The following TMOD3 variants were observed in gnomAD, a reference collection of about 807,000 sequenced individuals.
The protein encoded by TMOD3 is tropomodulin-3.
In TMOD3, 20 loss-of-function variants were observed where a neutral mutation model predicts 39.2. The observed-to-expected ratio is 0.51, with a 90% CI of 0.36 to 0.74. TMOD3 has a LOEUF of 0.74. Among genes scored for constraint, TMOD3 ranks in the 30% least tolerant of loss-of-function variants. The probability of loss-of-function intolerance (pLI) is 0.00; values close to 1 mark genes in which losing one functional copy is unlikely to be tolerated. For missense variants in TMOD3, 381 were observed against 412.8 expected (o/e 0.92, Z 0.67); for synonymous variants, 143 against 145.8 (o/e 0.98, Z 0.14).
chr15:51,892,411 T>C (rs1285898394), intron 5 of TMOD3: 2 of 152,230 alleles, frequency 1.3e-5, no homozygotes, highest in East Asian at 3.8e-4. Context: ...AGTGATCTCT[T>C]TAAAGGGCTC....
At chr15:51,842,848 T>C (rs2056319016) in intron 1 of TMOD3, among the ~76,000 whole-genome samples, 1 of 152,228 alleles carries the variant, frequency 6.6e-6, no homozygotes, top group African/African-American at 2.4e-5. Flanking sequence ...TTGTAACTAC[T>C]ACTCCCTTTC....
At chr15:51,845,794 G>A (rs2056332786) in intron 1 of TMOD3, among the ~76,000 whole-genome samples, 1 of 151,976 alleles carries the variant, frequency 6.6e-6, no homozygotes, top group Admixed American at 6.6e-5. Context: ...GGTTTTGTTT[G>A]TTTTTCCTCC....
At chr15:51,881,550 CTTTTTTTTTTT>C (rs753814979) in intron 3 of TMOD3, among the ~76,000 whole-genome samples, 12 of 61,830 alleles carry the variant, frequency 1.9e-4, no homozygotes, top group South Asian at 6.9e-4. Flanking sequence ...TTCTTTATTT[CTTTTTTTTTTT>C]TTTTTTTTTT....
chr15:51,862,402 ATTG>A (rs1301686618), intron 1 of TMOD3, among the ~76,000 whole-genome samples: 2 of 152,190 alleles, frequency 1.3e-5, no homozygotes, highest in African/African-American at 4.8e-5. Context: ...ACTGAGTCAT[ATTG>A]TTCTCCTAAA....
chr15:51,840,192 A>G (rs1260090670), intron 1 of TMOD3, among the ~76,000 whole-genome samples: 1 of 152,176 alleles, frequency 6.6e-6, no homozygotes, highest in Non-Finnish European at 1.5e-5. Context: ...GTGGTGGGCT[A>G]GCACCTCTCT....
chr15:51,855,745 C>A (rs1239940709), intron 1 of TMOD3, among the ~76,000 whole-genome samples: 1 of 152,144 alleles, frequency 6.6e-6, no homozygotes, highest in Non-Finnish European at 1.5e-5. Flanking sequence ...TTCTAGAAGG[C>A]AGATGTCAAA....
Position 51,910,670 on chromosome 15 carries a change from G to C in TMOD3, c.*1860G>C, listed in dbSNP as rs1302989896. The C allele has an allele frequency of 6.6e-6, 1 of 152,086 alleles. No homozygotes were observed. The highest frequency in any genetic ancestry group is 1.5e-5 in the Non-Finnish European group (1 of 68,036). 9.4% of individuals were successfully genotyped at this position (152,086 alleles called of 1,614,324 possible). A position where few individuals can be genotyped will look rare whatever the true frequency, so the allele number is the denominator to read the frequency against. ...GACAGTTTATCTAATAAGCAAGGCA[G>C]CTTCTTGTGTGCTATGGTAATAAGC... On this transcript the variant is annotated 3_prime_UTR_variant, in exon 10 of 10. Coordinates refer to ENST00000308580, the MANE Select transcript of TMOD3 (RefSeq NM_014547.5).
At chr15:51,835,998 T>A (rs891892051) in intron 1 of TMOD3, among the ~76,000 whole-genome samples, 9 of 152,190 alleles carry the variant, frequency 5.9e-5, no homozygotes, top group African/African-American at 2.2e-4. Flanking sequence ...TGAGGAGTCT[T>A]GAATCCTAAA....
At chr15:51,876,985 C>T (rs931312101) in intron 3 of TMOD3, among the ~76,000 whole-genome samples, 1 of 152,026 alleles carries the variant, frequency 6.6e-6, no homozygotes, top group Non-Finnish European at 1.5e-5. Flanking sequence ...ATGGCTTGAG[C>T]CTACGAGTTC....
chr15:51,860,326 AT>A, intron 1 of TMOD3: 1 of 537,870 alleles, frequency 1.9e-6, no homozygotes. Context: ...ATCCGTGCCA[AT>A]TTGCCCTTAA....
chr15:51,850,138 A>G (rs1033242081), intron 1 of TMOD3, among the ~76,000 whole-genome samples: 19 of 152,116 alleles, frequency 1.2e-4, no homozygotes, highest in African/African-American at 4.6e-4. Context: ...GAAGTAGGGT[A>G]GTGTCTGGAG....
At chr15:51,866,200 ATCC>A (rs1368114375) in intron 2 of TMOD3, among the ~76,000 whole-genome samples, 3 of 152,116 alleles carry the variant, frequency 2.0e-5, no homozygotes, top group African/African-American at 7.2e-5. Flanking sequence ...CACACCTGTA[ATCC>A]TAGCATTTTG....
At chr15:51,850,756 A>C (rs2056357412) in intron 1 of TMOD3, among the ~76,000 whole-genome samples, 1 of 151,794 alleles carries the variant, frequency 6.6e-6, no homozygotes, top group African/African-American at 2.4e-5. Flanking sequence ...TGTTTGTTTG[A>C]GACGGAGTAT....
chr15:51,906,017 A>G, intron 9 of TMOD3, among the ~76,000 whole-genome samples: 1 of 150,828 alleles, frequency 6.6e-6, no homozygotes, highest in East Asian at 2.0e-4. Flanking sequence ...TTAATAGGGC[A>G]AAATTTATAA....
intron 1 of TMOD3, among the ~76,000 whole-genome samples, chr15:51,845,112 A>G (rs2056329327): frequency 6.6e-6 from 1 of 152,166 alleles, no homozygotes; most frequent in Non-Finnish European, 1.5e-5. Context: ...AGATTGGGTT[A>G]AATGGTGTTT....
intron 8 of TMOD3, 129 bp from the exon 9 acceptor site, chr15:51,901,763 T>G: frequency 2.2e-6 from 2 of 910,030 alleles, no homozygotes; most frequent in Non-Finnish European, 3.3e-6. Context: ...CTGAACTATG[T>G]ATATGTTGTA....
At position 51,887,674 on chromosome 15, in the gene TMOD3, G is replaced by C; in HGVS notation, c.369G>C (p.Leu123Phe). The stretch of plus-strand genomic sequence containing the variant: ...TTGATCCAGAATTAGAAGAAGCTTT[G>C]ACAAGTGCTTCTGATACAGAATTGT... ...VSLDPELEEALTSASDTELCD... is the reference protein window; with the variant it reads ...VSLDPELEEAFTSASDTELCD... Residue 123 changes from leucine (L) to phenylalanine (F), a missense_variant, in exon 4 of 10, where the codon TTG (leucine) becomes TTC (phenylalanine). Physicochemically the swap from Leu to Phe is conservative, Grantham distance 22. Coordinates refer to ENST00000308580, the MANE Select transcript of TMOD3 (RefSeq NM_014547.5). 2.5e-6 allele frequency: 4 copies of C among 1,613,962 alleles called. No homozygotes were observed. Among genetic ancestry groups the C allele is most frequent in the Non-Finnish European group, 3.4e-6 (4 of 1,179,946 alleles).
intron 3 of TMOD3, among the ~76,000 whole-genome samples, chr15:51,878,549 C>T (rs1316460755): frequency 6.6e-6 from 1 of 152,130 alleles, no homozygotes; most frequent in Non-Finnish European, 1.5e-5. Context: ...TATTAACTCC[C>T]AAAAGTGAAG....
chr15:51,853,108 G>A (rs1187638515), intron 1 of TMOD3, among the ~76,000 whole-genome samples: 1 of 152,204 alleles, frequency 6.6e-6, no homozygotes, highest in Non-Finnish European at 1.5e-5. Context: ...AGTGAGGAAA[G>A]CTACATGAAT....
Sources: allele counts gnomAD v4.1 joint callset (sites outside exome capture counted in the v4.1 genomes callset), GRCh38; gene constraint gnomAD v4.1.1; transcripts MANE v1.5; gene names NCBI Gene and HGNC (gene_info 2026-07-23, HGNC 2026-07-21).